Variants in SDCCAG8 observed in about 807,000 individuals in gnomAD.
SDCCAG8 encodes SHH signaling and ciliogenesis regulator SDCCAG8.
A neutral mutation model predicts 101.8 loss-of-function variants in SDCCAG8; 74 were observed. The observed-to-expected ratio is 0.73, with a 90% CI of 0.60 to 0.88. The LOEUF (loss-of-function observed/expected upper bound fraction) is 0.88, where lower values mean the gene tolerates loss of function less well. Among genes scored for constraint, SDCCAG8 ranks in the 40% least tolerant of loss-of-function variants. The pLI, the probability that SDCCAG8 is intolerant of heterozygous loss-of-function variation, is 0.00. For synonymous variants in SDCCAG8, 281 were observed against 292.9 expected, an observed-to-expected ratio of 0.96 and a Z score of 0.41; for missense variants, 787 against 822.6, an observed-to-expected ratio of 0.96 and a Z score of 0.53.
intron 12 of SDCCAG8, among the ~76,000 whole-genome samples, chr1:243,354,273 CAG>C (rs1356519975): frequency 6.6e-6 from 1 of 152,184 alleles, no homozygotes; most frequent in Non-Finnish European, 1.5e-5. Flanking sequence ...ATAAAATCAA[CAG>C]AAATTGCATG....
chr1:243,398,493 T>G lies in SDCCAG8; in HGVS notation c.1617-17209T>G, dbSNP rs115502941. Among the ~76,000 whole-genome samples, 1,215 of 152,300 alleles carry G rather than the reference T, an allele frequency of 8.0e-3. 9 individuals carry two copies. Among genetic ancestry groups the G allele is most frequent in the Middle Eastern group, 0.027 (8 of 294 alleles). On this transcript the variant is annotated intron_variant, in intron 13 of 17. Transcript: ENST00000366541. ...AAGTCATCTGCAAAATGTACTTTTTTCTCCCACTTGTTAAGGAATTTTTAT... is the reference window on the plus strand; with the variant it reads ...AAGTCATCTGCAAAATGTACTTTTTGCTCCCACTTGTTAAGGAATTTTTAT...
At chr1:243,281,221 A>G (rs2069006346) in intron 4 of SDCCAG8, among the ~76,000 whole-genome samples, 1 of 150,570 alleles carries the variant, frequency 6.6e-6, no homozygotes, top group Non-Finnish European at 1.5e-5. Context: ...TGTTAACATG[A>G]TACATCTTTC....
chr1:243,279,632 CA>C (rs2068864295), intron 4 of SDCCAG8, among the ~76,000 whole-genome samples: 2 of 152,196 alleles, frequency 1.3e-5, no homozygotes, highest in African/African-American at 2.4e-5. Context: ...CGCATTTTGT[CA>C]AAAGCTTTTC....
At chr1:243,430,378 G>T (rs2081645327) in intron 16 of SDCCAG8, among the ~76,000 whole-genome samples, 1 of 152,178 alleles carries the variant, frequency 6.6e-6, no homozygotes, top group Non-Finnish European at 1.5e-5. Context: ...GGCATACAAT[G>T]AGGTTGGAGA....
intron 10 of SDCCAG8, among the ~76,000 whole-genome samples, chr1:243,335,554 CCT>C (rs2074940842): frequency 6.6e-6 from 1 of 152,136 alleles, no homozygotes; most frequent in African/African-American, 2.4e-5. Context: ...TGTAACAGAA[CCT>C]CTCTTTTACT....
At chr1:243,394,045 A>G (rs1161201170) in intron 13 of SDCCAG8, among the ~76,000 whole-genome samples, 1 of 152,252 alleles carries the variant, frequency 6.6e-6, no homozygotes, top group Non-Finnish European at 1.5e-5. Flanking sequence ...CTTATTAAGT[A>G]GTCGTGGTTC....
intron 16 of SDCCAG8, among the ~76,000 whole-genome samples, chr1:243,459,201 C>T (rs1658493098): frequency 6.6e-6 from 1 of 152,168 alleles, no homozygotes; most frequent in South Asian, 2.1e-4. Context: ...AATAGTCTTT[C>T]AAGGTTTCTT....
rs577702861 is a variant in SDCCAG8, at chr1:243,432,470, A to G, written c.1985+5912A>G. Among the ~76,000 whole-genome samples the G allele has an allele frequency of 1.5e-4, 23 of 152,302 alleles. No individual in the cohort carries two copies. In the South Asian group the frequency reaches 3.9e-3, roughly 26 times the overall value. ...GGGTGACAGTTATAATCTCTTCACA[A>G]TCTCCCATGATACAAGTTTACCTAT... On this transcript the variant is annotated intron_variant, in intron 16 of 17. Coordinates refer to ENST00000366541, the MANE Select transcript of SDCCAG8 (RefSeq NM_006642.5).
intron 12 of SDCCAG8, among the ~76,000 whole-genome samples, chr1:243,351,893 T>C (rs2076098885): frequency 6.6e-6 from 1 of 152,238 alleles, no homozygotes; most frequent in South Asian, 2.1e-4. Flanking sequence ...TAATTCAATT[T>C]TTCTGCATAA....
intron 17 of SDCCAG8, among the ~76,000 whole-genome samples, chr1:243,490,931 A>G (rs763053230): frequency 6.6e-6 from 1 of 152,212 alleles, no homozygotes; most frequent in African/African-American, 2.4e-5. Flanking sequence ...GATCAGGACC[A>G]CTGGAGCCAC....
At chr1:243,425,054 G>GT (rs1204322426) in intron 15 of SDCCAG8, among the ~76,000 whole-genome samples, 1 of 152,034 alleles carries the variant, frequency 6.6e-6, no homozygotes, top group Admixed American at 6.6e-5. Flanking sequence ...AAGGAGAAAC[G>GT]TAAGTCATTA....
chr1:243,333,126 C>CCAA (rs1397671182), intron 10 of SDCCAG8, among the ~76,000 whole-genome samples: 3 of 152,184 alleles, frequency 2.0e-5, no homozygotes, highest in Admixed American at 6.5e-5. Flanking sequence ...CACCTGTATT[C>CCAA]CAACCCAGTC....
At chr1:243,351,360 C>G (rs576380391) in intron 12 of SDCCAG8, among the ~76,000 whole-genome samples, 1 of 152,330 alleles carries the variant, frequency 6.6e-6, no homozygotes, top group Non-Finnish European at 1.5e-5. Flanking sequence ...GGGGTAATAA[C>G]TAGGAGACCC....
chr1:243,485,970 G>A (rs528057841), intron 16 of SDCCAG8, among the ~76,000 whole-genome samples: 44 of 151,782 alleles, frequency 2.9e-4, no homozygotes, highest in Middle Eastern at 3.4e-3. Context: ...AGGCTGAGGC[G>A]AGTGGATCAC....
chr1:243,425,071 C>T (rs78516812), intron 15 of SDCCAG8, among the ~76,000 whole-genome samples: 22 of 152,136 alleles, frequency 1.4e-4, no homozygotes, highest in Middle Eastern at 3.4e-3. Flanking sequence ...ATTATTAACT[C>T]CTTTCGGACT....
Position 243,426,910 on chromosome 1 carries a change from G to A in SDCCAG8, c.1985+352G>A, listed in dbSNP as rs113161022. 4.0e-3 allele frequency among the ~76,000 whole-genome samples: 609 copies of A among 152,230 alleles called. 6 individuals carry two copies. The highest frequency in any genetic ancestry group is 0.014 in the African/African-American group (578 of 41,534). ...AGAAATTAGATTTTATATGCTTTTT[G>A]TAAGGTAAAGCACATAGTAGGTCTA... On this transcript the variant is annotated intron_variant, in intron 16 of 17. Coordinates refer to ENST00000366541, the MANE Select transcript of SDCCAG8 (RefSeq NM_006642.5).
At chr1:243,414,197 A>G (rs1170215862) in intron 13 of SDCCAG8, among the ~76,000 whole-genome samples, 1 of 152,086 alleles carries the variant, frequency 6.6e-6, no homozygotes, top group Non-Finnish European at 1.5e-5. Flanking sequence ...AGGAGAGGGG[A>G]AGAATTTTGA....
intron 16 of SDCCAG8, among the ~76,000 whole-genome samples, chr1:243,470,395 C>T (rs146422339): frequency 6.6e-6 from 1 of 152,254 alleles, no homozygotes; most frequent in East Asian, 1.9e-4. Context: ...GAATATTTTT[C>T]TAATGCCCCC....
At chr1:243,386,816 C>T (rs1009927837) in intron 13 of SDCCAG8, among the ~76,000 whole-genome samples, 22 of 151,820 alleles carry the variant, frequency 1.4e-4, no homozygotes, top group African/African-American at 5.3e-4. Context: ...GAAGTGTTAG[C>T]TGCTCCCTTA....
Sources: allele counts gnomAD v4.1 joint callset (sites outside exome capture counted in the v4.1 genomes callset), GRCh38; gene constraint gnomAD v4.1.1; transcripts MANE v1.5; gene names NCBI Gene and HGNC (gene_info 2026-07-23, HGNC 2026-07-21).